RBMS1: variants seen among roughly 807,000 people sequenced by gnomAD.
The protein encoded by RBMS1 is RNA binding motif single stranded interacting protein 1.
Under a neutral mutation model 62.3 loss-of-function variants are expected in RBMS1, and 17 were observed. That is an observed-to-expected ratio of 0.27 (90% CI 0.19 to 0.41). The LOEUF is 0.41. RBMS1 is among the 10% of genes least tolerant of loss of function. The pLI, the probability that RBMS1 is intolerant of heterozygous loss-of-function variation, is 1.00. For missense variants in RBMS1, 334 were observed against 504.5 expected (o/e 0.66, Z 3.24); for synonymous variants, 172 against 170.0 (o/e 1.01, Z -0.09).
chr2:160,301,260 A>G (rs1455431010), intron 5 of RBMS1, among the ~76,000 whole-genome samples: 1 of 152,224 alleles, frequency 6.6e-6, no homozygotes, highest in African/African-American at 2.4e-5. Flanking sequence ...TAGTGAAGTC[A>G]ACTATATACT....
chr2:160,321,281 ACTCCCC>A (rs1690546612), intron 2 of RBMS1, among the ~76,000 whole-genome samples: 1 of 151,082 alleles, frequency 6.6e-6, no homozygotes, highest in African/African-American at 2.5e-5. Flanking sequence ...TGTGGCAGGT[ACTCCCC>A]CATCTCATTC....
At chr2:160,309,617 A>G (rs1042116336) in intron 4 of RBMS1, among the ~76,000 whole-genome samples, 1 of 152,182 alleles carries the variant, frequency 6.6e-6, no homozygotes, top group Non-Finnish European at 1.5e-5. Flanking sequence ...TCAAGGAGCT[A>G]TAGGAGAGAA....
chr2:160,398,636 CA>C (rs938384836), intron 1 of RBMS1, among the ~76,000 whole-genome samples: 1 of 152,142 alleles, frequency 6.6e-6, no homozygotes, highest in African/African-American at 2.4e-5. Context: ...CAGAATTCAA[CA>C]ATCCCTCTCC....
At chr2:160,396,513 T>C (rs902903305) in intron 1 of RBMS1, among the ~76,000 whole-genome samples, 1 of 150,600 alleles carries the variant, frequency 6.6e-6, no homozygotes. Flanking sequence ...TGAAGCAGCC[T>C]GTTTCACCTC....
chr2:160,340,302 A>G (rs968756646), intron 2 of RBMS1, among the ~76,000 whole-genome samples: 5 of 152,082 alleles, frequency 3.3e-5, no homozygotes, highest in African/African-American at 1.2e-4. Flanking sequence ...AATTCCAGTG[A>G]CAGCTTTAAA....
At chr2:160,456,683 G>A (rs1684246396) in intron 1 of RBMS1, among the ~76,000 whole-genome samples, 1 of 152,206 alleles carries the variant, frequency 6.6e-6, no homozygotes, top group Non-Finnish European at 1.5e-5. Flanking sequence ...CATGGAAGCT[G>A]AATGCTCTCC....
At chr2:160,357,774 A>G (rs1274306133) in intron 2 of RBMS1, among the ~76,000 whole-genome samples, 2 of 152,130 alleles carry the variant, frequency 1.3e-5, no homozygotes, top group East Asian at 3.9e-4. Flanking sequence ...CACTGTGTTA[A>G]TTTTTGAAAA....
intron 6 of RBMS1, among the ~76,000 whole-genome samples, chr2:160,291,507 G>T (rs981537871): frequency 6.6e-6 from 1 of 151,998 alleles, no homozygotes; most frequent in Non-Finnish European, 1.5e-5. Context: ...GCACAACATC[G>T]TTTCCTGTTT....
At chr2:160,314,426 A>G (rs1690100248) in intron 3 of RBMS1, among the ~76,000 whole-genome samples, 1 of 152,196 alleles carries the variant, frequency 6.6e-6, no homozygotes, top group Non-Finnish European at 1.5e-5. Flanking sequence ...AGCTAGCCCT[A>G]TCATTTACTT....
At chr2:160,350,947 T>G (rs1178174501) in intron 2 of RBMS1, among the ~76,000 whole-genome samples, 1 of 152,136 alleles carries the variant, frequency 6.6e-6, no homozygotes, top group Non-Finnish European at 1.5e-5. Flanking sequence ...CCACAATGGT[T>G]GAACTAGTTT....
chr2:160,307,060 C>T (rs1689569460), intron 4 of RBMS1, among the ~76,000 whole-genome samples: 1 of 152,048 alleles, frequency 6.6e-6, no homozygotes, highest in South Asian at 2.1e-4. Flanking sequence ...GAGTGATAAA[C>T]AGCTACTAAC....
intron 1 of RBMS1, among the ~76,000 whole-genome samples, chr2:160,439,738 A>G (rs10185744): frequency 0.24 from 36,194 of 152,120 alleles, 4,622 homozygotes; most frequent in African/African-American, 0.33. Flanking sequence ...AGCCGAGATC[A>G]TGCCACTGCA....
intron 3 of RBMS1, among the ~76,000 whole-genome samples, chr2:160,316,123 C>T (rs922565026): frequency 1.7e-4 from 26 of 152,162 alleles, no homozygotes; most frequent in East Asian, 1.9e-4. Flanking sequence ...ATATGCCTAT[C>T]TATCTACCTA....
chr2:160,308,014 T>C (rs1320897899), intron 4 of RBMS1, among the ~76,000 whole-genome samples: 3 of 152,340 alleles, frequency 2.0e-5, no homozygotes, highest in East Asian at 3.9e-4. Context: ...CTTTAATATA[T>C]GGCAATATGA....
chr2:160,313,645 T>C (rs773340066), intron 3 of RBMS1, among the ~76,000 whole-genome samples: 52 of 152,298 alleles, frequency 3.4e-4, no homozygotes, highest in Admixed American at 9.8e-4. Context: ...GATGGAGACA[T>C]CCTACAGAGT....
rs778056676 is a variant in RBMS1 at position 160,277,321 on chromosome 2, C to T, written c.1125G>A (p.Thr375=). 1.7e-5 allele frequency: 28 copies of T among 1,612,468 alleles called. No homozygotes were observed. The highest frequency in any genetic ancestry group is 6.7e-5 in the East Asian group (3 of 44,878). ...TACCAACCTCAACAGGAACCGCTGT[C>T]GTCTGCATATGTGCATACTGTGGCA... The part of the protein sequence containing the change: ...AYLPQYAHMQ[T]TAVPVEEASG... The change falls in exon 12 of 14, where the codon ACG becomes ACA. Residue 375 remains threonine (T), a synonymous_variant. Coordinates refer to ENST00000348849, the MANE Select transcript of RBMS1 (RefSeq NM_016836.4).
chr2:160,349,118 T>C (rs1458712647), intron 2 of RBMS1, among the ~76,000 whole-genome samples: 1 of 152,074 alleles, frequency 6.6e-6, no homozygotes, highest in African/African-American at 2.4e-5. Flanking sequence ...GGTTGTATTG[T>C]ATAGGGAAAG....
At position 160,449,261 on chromosome 2, in the gene RBMS1, T is replaced by G. The variant is rs534450303; in HGVS notation, c.75+44028A>C. On this transcript the variant is annotated intron_variant, in intron 1 of 13. Coordinates refer to ENST00000348849, the MANE Select transcript of RBMS1 (RefSeq NM_016836.4). ...CTGGGAGGGAGGTGGGGGGCGCCTC[T>G]GCCCAGCCGCCCCGTCTGGGAAGTG... 2.1e-4 allele frequency among the ~76,000 whole-genome samples: 31 copies of G among 145,190 alleles called. No individual in the cohort carries two copies. The East Asian group carries it at 6.2e-3, about 29-fold the overall frequency.
At chr2:160,464,682 T>A (rs539878781) in intron 1 of RBMS1, among the ~76,000 whole-genome samples, 1 of 152,386 alleles carries the variant, frequency 6.6e-6, no homozygotes, top group African/African-American at 2.4e-5. Flanking sequence ...TGTGTAACTT[T>A]CACTATTTTC....
Sources: allele counts gnomAD v4.1 joint callset (sites outside exome capture counted in the v4.1 genomes callset), GRCh38; gene constraint gnomAD v4.1.1; transcripts MANE v1.5; gene names NCBI Gene and HGNC (gene_info 2026-07-23, HGNC 2026-07-21).